Variants in MATN2 observed in about 807,000 individuals in gnomAD.
MATN2 encodes matrilin-2.
Under a neutral mutation model 103.2 loss-of-function variants are expected in MATN2, and 69 were observed. The observed-to-expected ratio is 0.67, with a 90% confidence interval of 0.55 to 0.82. The LOEUF (loss-of-function observed/expected upper bound fraction) is 0.82. MATN2 is among the 40% of genes least tolerant of loss of function. The pLI, the probability that MATN2 is intolerant of heterozygous loss-of-function variation, is 0.00. For synonymous variants in MATN2, 429 were observed against 450.2 expected (o/e 0.95, Z 0.60); for missense variants, 1,023 against 1,211.5 (o/e 0.84, Z 2.31).
intron 6 of MATN2, among the ~76,000 whole-genome samples, chr8:97,992,442 A>G (rs1382292902): frequency 1.3e-5 from 2 of 152,142 alleles, no homozygotes; most frequent in East Asian, 1.9e-4. Flanking sequence ...TGAAGCATTT[A>G]TGGACAAAAT....
chr8:97,938,662 TTAAATC>T (rs1810457610), intron 3 of MATN2, among the ~76,000 whole-genome samples: 1 of 152,202 alleles, frequency 6.6e-6, no homozygotes, highest in Admixed American at 6.5e-5. Flanking sequence ...GATTAAATCT[TTAAATC>T]TAAAATACAG....
At chr8:98,000,755 T>A (rs908485124) in intron 7 of MATN2, among the ~76,000 whole-genome samples, 1 of 152,156 alleles carries the variant, frequency 6.6e-6, no homozygotes, top group Non-Finnish European at 1.5e-5. Flanking sequence ...AATGTAACTA[T>A]CAGACTGCCA....
chr8:97,907,600 G>A (rs1819222929), intron 2 of MATN2, among the ~76,000 whole-genome samples: 1 of 152,026 alleles, frequency 6.6e-6, no homozygotes, highest in South Asian at 2.1e-4. Context: ...GGGATTACAG[G>A]CGTGAGCCAT....
At chr8:98,010,944 C>G (rs924306458) in intron 10 of MATN2, among the ~76,000 whole-genome samples, 3 of 152,324 alleles carry the variant, frequency 2.0e-5, no homozygotes, top group Non-Finnish European at 2.9e-5. Flanking sequence ...GTGTCTTAGT[C>G]TACTCGGGCT....
intron 5 of MATN2, among the ~76,000 whole-genome samples, chr8:97,978,394 T>C (rs1811908305): frequency 6.6e-6 from 1 of 152,254 alleles, no homozygotes; most frequent in African/African-American, 2.4e-5. Flanking sequence ...TTGTTGTTGT[T>C]GTAAACAATG....
intron 2 of MATN2, among the ~76,000 whole-genome samples, chr8:97,927,148 T>C (rs60873885): frequency 4.3e-4 from 31 of 71,590 alleles, no homozygotes; most frequent in Non-Finnish European, 7.2e-4. Flanking sequence ...TTTTTGTTTT[T>C]GTTTTTGTTT....
At chr8:97,913,337 TG>T (rs1809513642) in intron 2 of MATN2, among the ~76,000 whole-genome samples, 1 of 149,156 alleles carries the variant, frequency 6.7e-6, no homozygotes, top group Admixed American at 6.8e-5. Flanking sequence ...TTTTTTGAGA[TG>T]GAGTCTTGCT....
At chr8:97,951,713 C>A (rs1262856055) in intron 4 of MATN2, among the ~76,000 whole-genome samples, 4 of 150,370 alleles carry the variant, frequency 2.7e-5, no homozygotes. Context: ...GAAAAGCACT[C>A]TACAGGAGTA....
chr8:97,945,717 A>AAAAAATATAT (rs59472539), intron 4 of MATN2, among the ~76,000 whole-genome samples: 1,579 of 121,726 alleles, frequency 0.013, 20 homozygotes, highest in South Asian at 0.021. Flanking sequence ...AAAAAAAAAA[A>AAAAAATATAT]ATATATATAT....
intron 6 of MATN2, among the ~76,000 whole-genome samples, chr8:97,992,674 C>T (rs951373895): frequency 8.0e-5 from 11 of 138,194 alleles, no homozygotes; most frequent in East Asian, 6.8e-4. Flanking sequence ...TGAACCTGGG[C>T]GGCAGAGGTT....
rs1429472240 is a variant in MATN2 at position 98,016,674 on chromosome 8, C to T, written c.1696+12C>T. ...AAAAACCTGCAGAAGTAAGTTTGTA[C>T]TGGAGCTGGCTCCTACTACTATGCC... On this transcript the variant is annotated intron_variant, in intron 11 of 18. Coordinates refer to ENST00000254898, the MANE Select transcript of MATN2 (RefSeq NM_002380.5). The T allele has an allele frequency of 6.2e-6, 10 of 1,607,970 alleles. No individual in the cohort carries two copies. Among genetic ancestry groups the T allele is most frequent in the Non-Finnish European group, 8.5e-6 (10 of 1,176,696 alleles).
Position 98,007,175 on chromosome 8 carries a change from C to G in MATN2, c.1398C>G (p.Val466=). ...QLCLNTEDSF[V]CQCSEGFLIN... ...GTCTGAACACGGAGGATTCCTTCGT[C>G]TGCCAGTGCTCAGAAGGCTTCCTCA... The change falls in exon 9 of 19, where the codon GTC becomes GTG. Residue 466 remains valine (V), a synonymous_variant. Coordinates refer to ENST00000254898, the MANE Select transcript of MATN2 (RefSeq NM_002380.5). This position sits in a 1 kb window ranked among gnomAD's most constrained non-coding sequence, Gnocchi z 4.2. 1 of 1,613,876 alleles carries G rather than the reference C, an allele frequency of 6.2e-7. No homozygotes were observed. Among genetic ancestry groups the G allele is most frequent in the Non-Finnish European group, 8.5e-7 (1 of 1,179,832 alleles).
chr8:97,974,248 C>T (rs1586110219), intron 5 of MATN2, among the ~76,000 whole-genome samples: 1 of 150,160 alleles, frequency 6.7e-6, no homozygotes, highest in Non-Finnish European at 1.5e-5. Context: ...AAGCAATCCT[C>T]CCACCTCAGC....
rs549480848 is a variant in MATN2, at chr8:98,007,411, C to G, written c.1451-68C>G. ...GGGAGGGCGGGGTGAGCATGACGGT[C>G]ACTTGATCCAATCACTGTCGCCCAG... On this transcript the variant is annotated intron_variant, in intron 9 of 18. Transcript: ENST00000254898. The surrounding 1 kb of genome is among the most constrained non-coding windows in gnomAD (Gnocchi z 4.2). 1 of 1,582,068 alleles carries G rather than the reference C, an allele frequency of 6.3e-7. No homozygotes were observed. Among genetic ancestry groups the G allele is most frequent in the South Asian group, 1.1e-5 (1 of 87,626 alleles).
At chr8:97,874,430 A>C (rs1023839197) in intron 1 of MATN2, among the ~76,000 whole-genome samples, 5 of 146,852 alleles carry the variant, frequency 3.4e-5, no homozygotes, top group Non-Finnish European at 7.5e-5. Flanking sequence ...GTTTGAGACA[A>C]GGTTTTGCTC....
At chr8:98,017,884 A>C (rs1231474239) in intron 11 of MATN2, 110 bp from the exon 12 acceptor site, 19 of 1,228,926 alleles carry the variant, frequency 1.5e-5, no homozygotes, top group Middle Eastern at 4.0e-4. Flanking sequence ...CACTGAGCTC[A>C]GGTGGCAGAT....
At chr8:97,983,527 C>T (rs561782295) in intron 6 of MATN2, among the ~76,000 whole-genome samples, 1 of 152,314 alleles carries the variant, frequency 6.6e-6, no homozygotes, top group South Asian at 2.1e-4. Flanking sequence ...GGACTTCAGT[C>T]TGCTGGACAG....
At chr8:97,884,274 G>A (rs1818352685) in intron 1 of MATN2, among the ~76,000 whole-genome samples, 1 of 151,678 alleles carries the variant, frequency 6.6e-6, no homozygotes, top group African/African-American at 2.4e-5. Flanking sequence ...CCAAGTAGCT[G>A]GGATTACAGG....
chr8:98,020,104 T>G (rs1813530240), intron 12 of MATN2, among the ~76,000 whole-genome samples: 1 of 152,198 alleles, frequency 6.6e-6, no homozygotes, highest in Non-Finnish European at 1.5e-5. Context: ...TCTATAATTC[T>G]GCCCATTGTG....
Sources: gnomAD v4.1 joint callset for allele counts (sites outside exome capture counted in the v4.1 genomes callset) on GRCh38, gnomAD v4.1.1 for gene constraint, Gnocchi (gnomAD v3.1) non-coding constraint, MANE v1.5 for transcripts, NCBI Gene and HGNC (gene_info 2026-07-23, HGNC 2026-07-21) for gene names.